UROC1: variants seen among roughly 807,000 people sequenced by gnomAD.
UROC1 encodes urocanate hydratase.
Under a neutral mutation model 89.5 loss-of-function variants are expected in UROC1, and 79 were observed. The ratio of observed to expected loss-of-function variants is 0.88; its 90% CI spans 0.74 to 1.06. The LOEUF (loss-of-function observed/expected upper bound fraction) is 1.06, where lower values mean the gene tolerates loss of function less well. Among genes scored for constraint, UROC1 ranks in the 50% least tolerant of loss-of-function variants. The pLI is 0.00. For missense variants in UROC1, 885 were observed against 907.8 expected, an observed-to-expected ratio of 0.97 and a Z score of 0.32; for synonymous variants, 361 against 354.8, an observed-to-expected ratio of 1.02 and a Z score of -0.20.
chr3:126,482,893 C>T (rs560831270), intron 19 of UROC1, among the ~76,000 whole-genome samples: 3 of 152,222 alleles, frequency 2.0e-5, no homozygotes, highest in South Asian at 2.1e-4. Context: ...TTGCCACCCC[C>T]GCCTCCGCCT....
chr3:126,512,392 G>A (rs1433156546), intron 1 of UROC1, among the ~76,000 whole-genome samples: 2 of 152,242 alleles, frequency 1.3e-5, no homozygotes, highest in East Asian at 3.8e-4. Context: ...CCCTCCAGAA[G>A]GAGCACGGCG....
chr3:126,484,162 CCTT>C (rs1238403101), intron 18 of UROC1, among the ~76,000 whole-genome samples: 4 of 152,314 alleles, frequency 2.6e-5, no homozygotes, highest in Middle Eastern at 3.4e-3. Flanking sequence ...GCATTTCTCT[CCTT>C]CTAACAGTTT....
In UROC1 at chr3:126,482,449, A is replaced by G; in HGVS notation, c.1927T>C (p.Tyr643His). The G allele has an allele frequency of 6.2e-7, 1 of 1,614,026 alleles. No individual in the cohort carries two copies. Among genetic ancestry groups the G allele is most frequent in the East Asian group, 2.2e-5 (1 of 44,870 alleles). ...TGCATGGTCTGGCAGATGATCTCAT[A>G]GGCCTTCTGGTTCCCTGACCAGCAG... The part of the protein sequence containing the change: ...RRCWSGNQKA[Y>H]EIICQTMQEN... Residue 643 changes from tyrosine to histidine, a missense_variant, in exon 20 of 20, where the codon TAT (tyrosine) becomes CAT (histidine). Physicochemically the swap from Tyr to His is moderately conservative, Grantham distance 83. Coordinates refer to ENST00000290868, the MANE Select transcript of UROC1 (RefSeq NM_144639.3).
At chr3:126,515,035 C>A (rs945214157) in intron 1 of UROC1, among the ~76,000 whole-genome samples, 1 of 152,054 alleles carries the variant, frequency 6.6e-6, no homozygotes. Flanking sequence ...GAACTGCACC[C>A]GCTCCTACTC....
rs753011838 is a variant in UROC1 at position 126,517,753 on chromosome 3, T to C, written c.-34A>G. 2 of 1,553,560 alleles carry C rather than the reference T, an allele frequency of 1.3e-6. No homozygotes were observed. Among genetic ancestry groups the C allele is most frequent in the Non-Finnish European group, 8.7e-7 (1 of 1,149,368 alleles). ...GAGATGGAGGCAGAGGCCAGCACTG[T>C]GGGGAGGCCAGGAAGAGACTGGGCA... On this transcript the variant is annotated 5_prime_UTR_variant, in exon 1 of 20. Coordinates refer to ENST00000290868, the MANE Select transcript of UROC1 (RefSeq NM_144639.3).
At chr3:126,486,781 G>A (rs1455380817) in intron 18 of UROC1, among the ~76,000 whole-genome samples, 1 of 152,208 alleles carries the variant, frequency 6.6e-6, no homozygotes, top group East Asian at 1.9e-4. Context: ...GGATGGAATT[G>A]GGAGTGGCAT....
rs188794280 is a variant in UROC1 at position 126,506,161 on chromosome 3, G to C, written c.603-150C>G. On this transcript the variant is annotated intron_variant, in intron 6 of 19. Transcript: ENST00000290868. ...CTTCACATAAAATAGAGAGAGCACAGAGAACACAAGAAGGCTATGGACACC... is the reference window on the plus strand; with the variant it reads ...CTTCACATAAAATAGAGAGAGCACACAGAACACAAGAAGGCTATGGACACC... The C allele has an allele frequency of 1.1e-3, 909 of 859,144 alleles. 5 individuals are homozygous for C. The highest frequency in any genetic ancestry group is 0.01 in the African/African-American group (626 of 59,728). The allele number at this position is 859,144 out of a possible 1,614,324, so 53.2% of individuals were successfully genotyped here.
At position 126,499,319 on chromosome 3, in the gene UROC1, C is replaced by T. The variant is rs751439728; in HGVS notation, c.1316+18G>A. 2 of 1,609,126 alleles carry T rather than the reference C, an allele frequency of 1.2e-6. No individual in the cohort carries two copies. Among genetic ancestry groups the T allele is most frequent in the Non-Finnish European group, 1.7e-6 (2 of 1,178,778 alleles). On this transcript the variant is annotated intron_variant, in intron 13 of 19. Coordinates refer to ENST00000290868, the MANE Select transcript of UROC1 (RefSeq NM_144639.3). ...GTGGCACTGGGCACACTAGATGTGG[C>T]AGCCGCCCATCACTCACCCCATGAT...
At chr3:126,510,411 C>T (rs1032486351) in intron 2 of UROC1, among the ~76,000 whole-genome samples, 9 of 152,266 alleles carry the variant, frequency 5.9e-5, no homozygotes, top group African/African-American at 2.2e-4. Context: ...ACTGGCTGCT[C>T]AGGACAGATG....
intron 15 of UROC1, among the ~76,000 whole-genome samples, chr3:126,493,808 G>A (rs573960554): frequency 6.6e-6 from 1 of 152,222 alleles, no homozygotes; most frequent in Non-Finnish European, 1.5e-5. Flanking sequence ...AGTACGCTGA[G>A]GCTGAGAAAC....
At chr3:126,515,254 C>T (rs754829316) in intron 1 of UROC1, among the ~76,000 whole-genome samples, 48 of 152,134 alleles carry the variant, frequency 3.2e-4, no homozygotes, top group Middle Eastern at 3.4e-3. Flanking sequence ...GGCATTGGCG[C>T]CCAGCAGGGA....
chr3:126,506,678 T>C (rs1174901191), intron 6 of UROC1, among the ~76,000 whole-genome samples: 1 of 152,238 alleles, frequency 6.6e-6, no homozygotes, highest in African/African-American at 2.4e-5. Flanking sequence ...CAAGCCCACA[T>C]GCATAGAAAG....
At chr3:126,482,529 G>A in intron 19 of UROC1, 44 bp from the exon 20 acceptor site, 1 of 1,613,302 alleles carries the variant, frequency 6.2e-7, no homozygotes, top group Non-Finnish European at 8.5e-7. Flanking sequence ...ACATAACCGG[G>A]CTCCCCACGT....
In UROC1 at chr3:126,501,292, C is replaced by T. The variant is rs766535714; in HGVS notation, c.903-12G>A. 8.1e-6 allele frequency: 13 copies of T among 1,613,784 alleles called. No individual in the cohort carries two copies. The East Asian group carries it at 8.9e-5, about 11-fold the overall frequency. Reference sequence around the variant, plus strand: ...TTTTCCTTGCTTCCCTGGAAGGACACAAAAGCAGAACAGGTGCCCCCTGCA... The same window carrying T: ...TTTTCCTTGCTTCCCTGGAAGGACATAAAAGCAGAACAGGTGCCCCCTGCA... On this transcript the variant is annotated splice_polypyrimidine_tract_variant and intron_variant, in intron 9 of 19. Transcript: ENST00000290868.
intron 9 of UROC1, among the ~76,000 whole-genome samples, chr3:126,502,211 T>C (rs1229056622): frequency 6.9e-6 from 1 of 145,236 alleles, no homozygotes. Flanking sequence ...TTTGTGTGTG[T>C]GTCTGTGTGT....
chr3:126,506,214 T>C (rs1157092940), intron 6 of UROC1, among the ~76,000 whole-genome samples: 1 of 152,208 alleles, frequency 6.6e-6, no homozygotes, highest in Non-Finnish European at 1.5e-5. Context: ...TCCAGACATT[T>C]TACAAGCAGA....
At chr3:126,490,591 A>T (rs1236983188) in intron 16 of UROC1, among the ~76,000 whole-genome samples, 2 of 152,086 alleles carry the variant, frequency 1.3e-5, no homozygotes, top group Non-Finnish European at 2.9e-5. Context: ...GAGCTGAGGC[A>T]TGAGAATCGC....
intron 1 of UROC1, among the ~76,000 whole-genome samples, chr3:126,512,221 C>A (rs1271151916): frequency 2.0e-5 from 3 of 152,208 alleles, no homozygotes; most frequent in Non-Finnish European, 2.9e-5. Context: ...TGGAGGGAGG[C>A]CCAGTGCCTC....
intron 1 of UROC1, among the ~76,000 whole-genome samples, chr3:126,511,743 A>G (rs1936200168): frequency 6.6e-6 from 1 of 152,236 alleles, no homozygotes; most frequent in African/African-American, 2.4e-5. Context: ...CTTGTGCCCT[A>G]AGCAAAGGAG....
Sources: allele counts gnomAD v4.1 joint callset (sites outside exome capture counted in the v4.1 genomes callset), GRCh38; gene constraint gnomAD v4.1.1; transcripts MANE v1.5; gene names NCBI Gene and HGNC (gene_info 2026-07-23, HGNC 2026-07-21).